Variants in SGIP1 observed in about 807,000 individuals in gnomAD.
The protein encoded by SGIP1 is SH3-containing GRB2-like protein 3-interacting protein 1.
SGIP1 carries 38 observed loss-of-function variants against 107.5 expected under a neutral mutation model. The observed-to-expected ratio is 0.35, with a 90% CI of 0.27 to 0.46. SGIP1 has a LOEUF of 0.46. Among genes scored for constraint, SGIP1 ranks in the 20% least tolerant of loss-of-function variants. The pLI is 1.00. For synonymous variants in SGIP1, 365 were observed against 366.1 expected (o/e 1.00, Z 0.03); for missense variants, 929 against 1,019.5 (o/e 0.91, Z 1.21).
chr1:66,555,412 T>C (rs943511776), intron 1 of SGIP1, among the ~76,000 whole-genome samples: 1 of 152,156 alleles, frequency 6.6e-6, no homozygotes, highest in Non-Finnish European at 1.5e-5. Context: ...CTCTGTTCAT[T>C]TAATTCTTCC....
At chr1:66,644,039 A>C (rs1216311832) in intron 7 of SGIP1, 1 of 164,160 alleles carries the variant, frequency 6.1e-6, no homozygotes, top group Non-Finnish European at 1.3e-5. Flanking sequence ...CTTAGCAACT[A>C]GAAACAACAT....
In SGIP1 at chr1:66,635,924, A is replaced by G; in HGVS notation, c.100-20A>G. The G allele has an allele frequency of 6.2e-7, 1 of 1,613,002 alleles. No homozygotes were observed. The highest frequency in any genetic ancestry group is 8.5e-7 in the Non-Finnish European group (1 of 1,179,414). On this transcript the variant is annotated intron_variant, in intron 3 of 24. Coordinates refer to ENST00000371037, the MANE Select transcript of SGIP1 (RefSeq NM_032291.4). ...AGATCTTTTAACCACTTTTTTCTACATGAAAACAATCAATTCCAGCAGCCC... is the reference window on the plus strand; with the variant it reads ...AGATCTTTTAACCACTTTTTTCTACGTGAAAACAATCAATTCCAGCAGCCC...
At chr1:66,589,187 T>C (rs2063167957) in intron 1 of SGIP1, among the ~76,000 whole-genome samples, 2 of 66,126 alleles carry the variant, frequency 3.0e-5, no homozygotes, top group African/African-American at 6.9e-5. Context: ...TATATATATA[T>C]ATATATATAT....
At position 66,681,916 on chromosome 1, in the gene SGIP1, A is replaced by G; in HGVS notation, c.862A>G (p.Ile288Val). Residue 288 changes from isoleucine to valine, a missense_variant, in exon 15 of 25, where the codon ATC (isoleucine) becomes GTC (valine). Ile to Val is a conservative substitution (Grantham distance 29). This residue lies in a region of SGIP1 where 588 missense variants were observed against 588.6 expected (regional missense o/e 1.00). Coordinates refer to ENST00000371037, the MANE Select transcript of SGIP1 (RefSeq NM_032291.4). ...GGTCAAAATTGAAAAACTACCATCC[A>G]TCAATGACTTGGACAGCATTTTTGG... is the stretch of plus-strand genomic sequence containing the variant. The part of the protein sequence containing the change: ...TEVKIEKLPS[I>V]NDLDSIFGPV... The G allele has an allele frequency of 3.7e-6, 6 of 1,614,010 alleles. No individual in the cohort carries two copies. Among genetic ancestry groups the G allele is most frequent in the Non-Finnish European group, 5.1e-6 (6 of 1,179,942 alleles).
Position 66,660,540 on chromosome 1 carries a change from T to C in SGIP1, c.471+16T>C, listed in dbSNP as rs750222133. 16 of 1,606,428 alleles carry C rather than the reference T, an allele frequency of 1.0e-5. No individual in the cohort carries two copies. The South Asian group carries it at 1.8e-4, about 18-fold the overall frequency. On this transcript the variant is annotated intron_variant, in intron 8 of 24. Coordinates refer to ENST00000371037, the MANE Select transcript of SGIP1 (RefSeq NM_032291.4). ...GAAAAGTCCGGTAAGAAATAAGTCC[T>C]TCCCGCTTTTGGGGCAAACATTATT...
At chr1:66,734,195 A>C (rs999381521) in intron 21 of SGIP1, among the ~76,000 whole-genome samples, 10 of 152,184 alleles carry the variant, frequency 6.6e-5, no homozygotes, top group African/African-American at 2.2e-4. Context: ...CAAGATGATT[A>C]TAATTTTGTT....
In SGIP1 at chr1:66,689,030, T is replaced by G. The variant is rs377214930; in HGVS notation, c.1316-118T>G. 1.2e-4 allele frequency: 135 copies of G among 1,165,838 alleles called. 3 individuals are homozygous for G. In the African/African-American group the frequency reaches 1.9e-3, roughly 17 times the overall value. The allele number at this position is 1,165,838 out of a possible 1,614,324, so 72.2% of individuals were successfully genotyped here. A position where few individuals can be genotyped will look rare whatever the true frequency, so the allele number is the denominator to read the frequency against. ...AAAAAGAAAGTGCTACAGTGTTTAG[T>G]GTAGTAACTGCCAAGGCAAAAAAAA... is the stretch of plus-strand genomic sequence containing the variant. On this transcript the variant is annotated intron_variant, in intron 15 of 24. Transcript: ENST00000371037.
chr1:66,579,494 A>G (rs901145459), intron 1 of SGIP1, among the ~76,000 whole-genome samples: 69 of 152,222 alleles, frequency 4.5e-4, no homozygotes, highest in African/African-American at 1.6e-3. Flanking sequence ...AAAGCTGTGC[A>G]TCTGGACCAT....
chr1:66,737,772 G>A (rs524204), intron 21 of SGIP1, among the ~76,000 whole-genome samples: 94,745 of 151,970 alleles, frequency 0.62, 30,430 homozygotes, highest in Non-Finnish European at 0.71. Context: ...TTATTTTAAC[G>A]TGTTCTCTGA....
intron 1 of SGIP1, among the ~76,000 whole-genome samples, chr1:66,608,091 G>A (rs1297459370): frequency 6.6e-6 from 1 of 152,240 alleles, no homozygotes; most frequent in Non-Finnish European, 1.5e-5. Context: ...GTTTCCAAGA[G>A]TCCAAATGTG....
chr1:66,713,072 G>A (rs2093020551), intron 18 of SGIP1, among the ~76,000 whole-genome samples: 1 of 152,118 alleles, frequency 6.6e-6, no homozygotes, highest in African/African-American at 2.4e-5. Context: ...AGGTAGGGAG[G>A]AGGGTGGCAT....
intron 1 of SGIP1, among the ~76,000 whole-genome samples, chr1:66,608,318 G>A (rs567168943): frequency 2.6e-5 from 4 of 152,328 alleles, no homozygotes; most frequent in African/African-American, 9.6e-5. Context: ...TTTTCTGGGA[G>A]ATTAAGATGT....
intron 1 of SGIP1, among the ~76,000 whole-genome samples, chr1:66,595,826 G>A (rs1040265472): frequency 7.9e-5 from 12 of 152,138 alleles, no homozygotes; most frequent in Admixed American, 5.2e-4. Context: ...ATCTCAAAAT[G>A]GTACATACTG....
rs138770927 is a variant in SGIP1, at chr1:66,571,710, T to C, written c.10+37342T>C. 5.3e-3 allele frequency among the ~76,000 whole-genome samples: 809 copies of C among 152,162 alleles called. 4 individuals carry two copies. The highest frequency in any genetic ancestry group is 0.018 in the African/African-American group (767 of 41,544). On this transcript the variant is annotated intron_variant, in intron 1 of 24. Coordinates refer to ENST00000371037, the MANE Select transcript of SGIP1 (RefSeq NM_032291.4). ...ACAATCTAAGCTCATAAGCTTGCCA[T>C]TCAAGTCCCTTTATAAAATGGCCCC...
chr1:66,588,725 G>A (rs4655630), intron 1 of SGIP1, among the ~76,000 whole-genome samples: 52,838 of 148,048 alleles, frequency 0.36, 10,409 homozygotes, highest in South Asian at 0.62. Context: ...AACTTTCACG[G>A]TGTCCTATTT....
rs1451209772 is a variant in SGIP1, at chr1:66,741,451, T to G, written c.2464+15T>G. The G allele has an allele frequency of 1.9e-6, 3 of 1,541,526 alleles. No homozygotes were observed. Among genetic ancestry groups the G allele is most frequent in the Non-Finnish European group, 1.8e-6 (2 of 1,141,348 alleles). On this transcript the variant is annotated intron_variant, in intron 24 of 24. Coordinates refer to ENST00000371037, the MANE Select transcript of SGIP1 (RefSeq NM_032291.4). ...GTTTGCTGCAGGTAAATGAGTATCTTGATTTTTTCATTTGCGAAAATAATG... is the reference window on the plus strand; with the variant it reads ...GTTTGCTGCAGGTAAATGAGTATCTGGATTTTTTCATTTGCGAAAATAATG...
At chr1:66,666,903 G>A (rs1164564617) in intron 8 of SGIP1, 1 of 152,164 alleles carries the variant, frequency 6.6e-6, no homozygotes, top group Admixed American at 6.6e-5. Flanking sequence ...GTTTGTCAGG[G>A]GCTCCTCATC....
rs571013993 is a variant in SGIP1, at chr1:66,656,610, T to A, written c.460-3903T>A. 3.3e-5 allele frequency among the ~76,000 whole-genome samples: 5 copies of A among 152,284 alleles called. No individual in the cohort carries two copies. In the East Asian group the frequency reaches 9.6e-4, roughly 29 times the overall value. ...ACGCAGTCCATCGTTGACCAAAGCATCCATATACAATGCATGACAGTATTT... is the reference window on the plus strand; with the variant it reads ...ACGCAGTCCATCGTTGACCAAAGCAACCATATACAATGCATGACAGTATTT... On this transcript the variant is annotated intron_variant, in intron 7 of 24. Coordinates refer to ENST00000371037, the MANE Select transcript of SGIP1 (RefSeq NM_032291.4).
chr1:66,536,398 T>A (rs2053615831), intron 1 of SGIP1, among the ~76,000 whole-genome samples: 1 of 152,230 alleles, frequency 6.6e-6, no homozygotes, highest in African/African-American at 2.4e-5. Context: ...CCTTATTATC[T>A]TAATAGTTCG....
Sources: allele counts gnomAD v4.1 joint callset (sites outside exome capture counted in the v4.1 genomes callset), GRCh38; gene constraint gnomAD v4.1.1; regional missense constraint gnomAD v4.1.1; transcripts MANE v1.5; gene names NCBI Gene and HGNC (gene_info 2026-07-23, HGNC 2026-07-21).